NKAIN2: variants seen among roughly 807,000 people sequenced by gnomAD.
The protein encoded by NKAIN2 is sodium/potassium-transporting ATPase subunit beta-1-interacting protein 2.
NKAIN2 carries 14 observed loss-of-function variants against 32.6 expected under a neutral mutation model. The observed-to-expected ratio is 0.43, with a 90% CI of 0.28 to 0.67. The LOEUF is 0.67. Among genes scored for constraint, NKAIN2 ranks in the 30% least tolerant of loss-of-function variants. The pLI, the probability that NKAIN2 is intolerant of heterozygous loss-of-function variation, is 0.17. For synonymous variants in NKAIN2, 80 were observed against 87.2 expected (o/e 0.92, Z 0.46); for missense variants, 198 against 258.3 (o/e 0.77, Z 1.60).
chr6:124,520,161 T>G (rs1330845140), intron 3 of NKAIN2, among the ~76,000 whole-genome samples: 1 of 152,018 alleles, frequency 6.6e-6, no homozygotes, highest in African/African-American at 2.4e-5. Context: ...ATCTTCCCTA[T>G]GTACTCTCAA....
intron 1 of NKAIN2, among the ~76,000 whole-genome samples, chr6:123,905,244 C>T (rs892522076): frequency 5.9e-5 from 9 of 151,898 alleles, no homozygotes; most frequent in Non-Finnish European, 1.3e-4. Flanking sequence ...GCAAGCAAAA[C>T]GAACTCCCTT....
At chr6:123,927,823 T>A (rs1289610012) in intron 1 of NKAIN2, among the ~76,000 whole-genome samples, 1 of 152,180 alleles carries the variant, frequency 6.6e-6, no homozygotes, top group Non-Finnish European at 1.5e-5. Flanking sequence ...GGTCCAACTA[T>A]TCATATTAAG....
chr6:124,081,394 T>C (rs944020607), intron 1 of NKAIN2, among the ~76,000 whole-genome samples: 5 of 152,150 alleles, frequency 3.3e-5, no homozygotes, highest in Admixed American at 2.6e-4. Context: ...CCAGAATTTT[T>C]ATGTTTCATT....
chr6:124,477,397 A>G (rs559592065), intron 3 of NKAIN2, among the ~76,000 whole-genome samples: 70 of 152,226 alleles, frequency 4.6e-4, no homozygotes, highest in African/African-American at 1.5e-3. Flanking sequence ...GTCTCATACA[A>G]GTTGCCAATG....
intron 3 of NKAIN2, among the ~76,000 whole-genome samples, chr6:124,440,057 T>G (rs1775626556): frequency 6.6e-6 from 1 of 152,110 alleles, no homozygotes; most frequent in Non-Finnish European, 1.5e-5. Flanking sequence ...TTCAGTATCT[T>G]GAATTGGACA....
chr6:124,221,119 C>T (rs913632777), intron 1 of NKAIN2, among the ~76,000 whole-genome samples: 18 of 151,322 alleles, frequency 1.2e-4, no homozygotes, highest in South Asian at 2.1e-4. Context: ...ATGTTTATTG[C>T]GGCACTATTC....
chr6:124,500,880 A>T (rs948377578), intron 3 of NKAIN2, among the ~76,000 whole-genome samples: 10 of 152,162 alleles, frequency 6.6e-5, no homozygotes, highest in Admixed American at 1.3e-4. Context: ...ACTAGAAGTC[A>T]GTCATAAGAG....
At chr6:124,598,788 G>T (rs1273006721) in intron 3 of NKAIN2, among the ~76,000 whole-genome samples, 1 of 151,950 alleles carries the variant, frequency 6.6e-6, no homozygotes. Context: ...AGCCATGGTT[G>T]GAACATAGCC....
intron 3 of NKAIN2, among the ~76,000 whole-genome samples, chr6:124,508,750 G>A (rs1459327523): frequency 6.6e-6 from 1 of 152,130 alleles, no homozygotes; most frequent in Non-Finnish European, 1.5e-5. Flanking sequence ...TCAAGGTGTT[G>A]GAAGAGCCGT....
intron 1 of NKAIN2, among the ~76,000 whole-genome samples, chr6:124,254,082 T>C (rs780713398): frequency 7.2e-5 from 11 of 151,804 alleles, no homozygotes; most frequent in Non-Finnish European, 1.5e-4. Flanking sequence ...CCCAAAGTAC[T>C]GTGGGGATTA....
intron 3 of NKAIN2, among the ~76,000 whole-genome samples, chr6:124,632,222 A>C (rs748909422): frequency 6.6e-6 from 1 of 152,206 alleles, no homozygotes; most frequent in Non-Finnish European, 1.5e-5. Context: ...ATCACTTTCT[A>C]TACGCTTAAG....
intron 3 of NKAIN2, among the ~76,000 whole-genome samples, chr6:124,379,231 A>AGG (rs1367653545): frequency 3.1e-5 from 1 of 32,634 alleles, no homozygotes; most frequent in African/African-American, 1.2e-4. Flanking sequence ...GGAAGAGGGG[A>AGG]GGAAGGAGAG....
intron 1 of NKAIN2, among the ~76,000 whole-genome samples, chr6:124,096,335 A>G (rs1050798139): frequency 9.2e-5 from 14 of 152,150 alleles, no homozygotes; most frequent in Non-Finnish European, 1.8e-4. Flanking sequence ...ATTATCTCTC[A>G]AATATCTCCA....
intron 3 of NKAIN2, among the ~76,000 whole-genome samples, chr6:124,499,492 A>G (rs1245370068): frequency 6.6e-6 from 1 of 152,166 alleles, no homozygotes; most frequent in Non-Finnish European, 1.5e-5. Context: ...TTCTGGATGA[A>G]ATAAAGACCA....
chr6:124,157,972 C>G (rs1219125570), intron 1 of NKAIN2, among the ~76,000 whole-genome samples: 1 of 152,132 alleles, frequency 6.6e-6, no homozygotes, highest in Non-Finnish European at 1.5e-5. Flanking sequence ...CTTACATTTG[C>G]AGTTTTGTGC....
intron 3 of NKAIN2, among the ~76,000 whole-genome samples, chr6:124,588,306 C>G (rs984204624): frequency 1.3e-5 from 2 of 152,112 alleles, no homozygotes; most frequent in African/African-American, 2.4e-5. Flanking sequence ...TCTCTCTGCT[C>G]TCAAGAATTT....
At chr6:124,069,802 C>T (rs1783355976) in intron 1 of NKAIN2, among the ~76,000 whole-genome samples, 1 of 152,160 alleles carries the variant, frequency 6.6e-6, no homozygotes, top group South Asian at 2.1e-4. Context: ...TGGAGCTCAG[C>T]AGCCAGCCTG....
intron 1 of NKAIN2, among the ~76,000 whole-genome samples, chr6:124,223,458 A>G (rs1254041242): frequency 6.6e-6 from 1 of 152,096 alleles, no homozygotes; most frequent in East Asian, 1.9e-4. Context: ...TAGGGTTTCT[A>G]CCATTGGGTG....
chr6:124,135,140 A>G (rs1186642589), intron 1 of NKAIN2, among the ~76,000 whole-genome samples: 1 of 152,112 alleles, frequency 6.6e-6, no homozygotes, highest in Non-Finnish European at 1.5e-5. Context: ...AAATCTTGAA[A>G]CAAAACCTCA....
Sources: allele counts gnomAD v4.1 joint callset (sites outside exome capture counted in the v4.1 genomes callset), GRCh38; gene constraint gnomAD v4.1.1; transcripts MANE v1.5; gene names NCBI Gene and HGNC (gene_info 2026-07-23, HGNC 2026-07-21).